Variants in BRWD3 observed in about 807,000 individuals in gnomAD.
The protein encoded by BRWD3 is bromodomain and WD repeat domain containing 3.
Under a neutral mutation model 149.7 loss-of-function variants are expected in BRWD3, and 10 were observed. That is an observed-to-expected ratio of 0.07 (90% CI 0.04 to 0.11). The LOEUF (loss-of-function observed/expected upper bound fraction) is 0.11, where lower values mean the gene tolerates loss of function less well. BRWD3 is among the 10% of genes least tolerant of loss of function. The pLI, the probability that BRWD3 is intolerant of heterozygous loss-of-function variation, is 1.00. For synonymous variants in BRWD3, 504 were observed against 456.7 expected (o/e 1.10, Z -1.32); for missense variants, 940 against 1,373.2 (o/e 0.68, Z 4.99).
At chrX:80,731,110 G>GT (rs1334391709) in intron 12 of BRWD3, among the ~76,000 whole-genome samples, 3 of 110,932 alleles carry the variant, frequency 2.7e-5, no homozygotes, top group East Asian at 2.8e-4. Flanking sequence ...TCCCTGAAAA[G>GT]TTTTTTTAAT....
rs1253356554 is a variant in BRWD3 at position 80,730,005 on chromosome X, A to G, written c.1143T>C (p.Ser381=). 1.3e-5 allele frequency: 15 copies of G among 1,188,180 alleles called. No individual in the cohort carries two copies. In the East Asian group the frequency reaches 4.5e-4, roughly 35 times the overall value. ...CNNGDSLRFV[S]GSRDGTARIW... ...TTCTTGCCGTTCCATCTCGACTTCC[A>G]CTAACAAATCTTAAACTAGAAAGAG... Residue 381 remains serine, a synonymous_variant, in exon 13 of 41, where the codon AGT becomes AGC. Transcript: ENST00000373275.
At chrX:80,720,870 C>T (rs761551244) in intron 17 of BRWD3, among the ~76,000 whole-genome samples, 1 of 111,813 alleles carries the variant, frequency 8.9e-6, no homozygotes, top group Admixed American at 9.5e-5. Flanking sequence ...CTTAGATATA[C>T]AAATATGTAC....
intron 6 of BRWD3, among the ~76,000 whole-genome samples, chrX:80,752,999 C>T (rs1448699592): frequency 5.4e-5 from 6 of 111,755 alleles, no homozygotes; most frequent in Admixed American, 3.8e-4. Context: ...GCCATTTGCA[C>T]GTCTTCTTTT....
rs2074391701 is a variant in BRWD3 at position 80,809,742 on chromosome X, GA to G, written c.-272del. On this transcript the variant is annotated 5_prime_UTR_variant, in exon 1 of 41. Coordinates refer to ENST00000373275, the MANE Select transcript of BRWD3 (RefSeq NM_153252.5). ...GAGTGAGAGAGAGAGAGAGAAGAGA[GA>G]GAGAGAGAGAGGAAAAAGAGAGAGA... is the stretch of plus-strand genomic sequence containing the variant. The G allele has an allele frequency of 4.5e-6, 1 of 223,097 alleles. No individual in the cohort carries two copies. Among genetic ancestry groups the G allele is most frequent in the African/African-American group, 3.8e-5 (1 of 26,411 alleles). 18.4% of individuals were successfully genotyped at this position (223,097 alleles called of 1,213,427 possible). A position where few individuals can be genotyped will look rare whatever the true frequency, so the allele number is the denominator to read the frequency against.
intron 18 of BRWD3, among the ~76,000 whole-genome samples, chrX:80,718,691 A>G (rs1015217855): frequency 1.8e-5 from 2 of 111,722 alleles, no homozygotes; most frequent in African/African-American, 6.5e-5. Flanking sequence ...TACCCTGTGA[A>G]TCACCACAAA....
At chrX:80,744,568 T>C (rs2073564606) in intron 7 of BRWD3, among the ~76,000 whole-genome samples, 1 of 112,662 alleles carries the variant, frequency 8.9e-6, no homozygotes. Context: ...CATTTCTTTC[T>C]TTAGGCTTGA....
Position 80,741,895 on chromosome X carries a change from G to A in BRWD3, c.813+2137C>T, listed in dbSNP as rs1159361473. ...CTCTGATGGTGGTTTCTTTTGCTGT[G>A]CAGAAGCTCTTTAGTTTAATTAGAT... On this transcript the variant is annotated intron_variant, in intron 8 of 40. Transcript: ENST00000373275. Among the ~76,000 whole-genome samples, 8 of 111,737 alleles carry A rather than the reference G, an allele frequency of 7.2e-5. No individual in the cohort carries two copies. In the Admixed American group the frequency reaches 7.6e-4, roughly 11 times the overall value.
intron 8 of BRWD3, among the ~76,000 whole-genome samples, chrX:80,736,897 G>A (rs1283035826): frequency 1.8e-5 from 2 of 111,715 alleles, no homozygotes; most frequent in Admixed American, 1.9e-4. Flanking sequence ...TTTCTGGCAT[G>A]TCAGTGAGTT....
chrX:80,700,850 G>C (rs1426717406), intron 24 of BRWD3, among the ~76,000 whole-genome samples: 1 of 111,033 alleles, frequency 9.0e-6, no homozygotes, highest in Non-Finnish European at 1.9e-5. Context: ...AAGTAATATA[G>C]AGATAATTTA....
intron 22 of BRWD3, among the ~76,000 whole-genome samples, chrX:80,705,214 C>A (rs1027643245): frequency 9.3e-6 from 1 of 107,627 alleles, no homozygotes; most frequent in African/African-American, 3.4e-5. Flanking sequence ...TGCAGTGAGC[C>A]GAGAGTGTAC....
chrX:80,784,632 T>C (rs1356049052), intron 6 of BRWD3, among the ~76,000 whole-genome samples: 1 of 111,710 alleles, frequency 9.0e-6, no homozygotes, highest in Non-Finnish European at 1.9e-5. Context: ...AGTGAGAACA[T>C]GCAGTGTTTG....
intron 20 of BRWD3, among the ~76,000 whole-genome samples, chrX:80,711,005 G>GAA (rs765553550): frequency 9.6e-6 from 1 of 104,470 alleles, no homozygotes; most frequent in Non-Finnish European, 2.0e-5. Context: ...TTCACCTCCT[G>GAA]AAAAAAAAAA....
intron 6 of BRWD3, among the ~76,000 whole-genome samples, chrX:80,785,897 G>A (rs1030498817): frequency 8.9e-6 from 1 of 111,798 alleles, no homozygotes; most frequent in Non-Finnish European, 1.9e-5. Flanking sequence ...AGGCATGGTG[G>A]CAGGAGCCTG....
chrX:80,764,123 T>C (rs1261829937), intron 6 of BRWD3, among the ~76,000 whole-genome samples: 1 of 112,219 alleles, frequency 8.9e-6, no homozygotes, highest in Non-Finnish European at 1.9e-5. Context: ...AAGAACAGCC[T>C]TTTCAACAAA....
At chrX:80,715,133 G>A (rs1390468040) in intron 20 of BRWD3, among the ~76,000 whole-genome samples, 1 of 109,647 alleles carries the variant, frequency 9.1e-6, no homozygotes, top group Non-Finnish European at 1.9e-5. Flanking sequence ...ATTAGTCTCA[G>A]CCAAGTCTGA....
At chrX:80,794,681 T>A (rs1438039600) in intron 4 of BRWD3, among the ~76,000 whole-genome samples, 1 of 110,281 alleles carries the variant, frequency 9.1e-6, no homozygotes, top group East Asian at 2.8e-4. Context: ...TTAAATGATA[T>A]GACAACATTT....
At chrX:80,794,197 AT>A (rs780595648) in intron 4 of BRWD3, among the ~76,000 whole-genome samples, 6 of 111,455 alleles carry the variant, frequency 5.4e-5, no homozygotes, top group South Asian at 3.7e-4. Flanking sequence ...AATAAAAAAA[AT>A]AAAAATAAAT....
intron 24 of BRWD3, among the ~76,000 whole-genome samples, chrX:80,700,356 T>G: frequency 1.0e-5 from 1 of 96,092 alleles, no homozygotes; most frequent in East Asian, 3.3e-4. Flanking sequence ...ACTGGTCATA[T>G]TTTAAAGTAT....
At chrX:80,721,420 C>T (rs2073148397) in intron 17 of BRWD3, among the ~76,000 whole-genome samples, 2 of 111,639 alleles carry the variant, frequency 1.8e-5, no homozygotes, top group Non-Finnish European at 3.8e-5. Context: ...ATACCATTTC[C>T]CTGCTCTACA....
Sources: allele counts gnomAD v4.1 joint callset (sites outside exome capture counted in the v4.1 genomes callset), GRCh38; gene constraint gnomAD v4.1.1; transcripts MANE v1.5; gene names NCBI Gene and HGNC (gene_info 2026-07-23, HGNC 2026-07-21).